MEOX2: variants seen among roughly 807,000 people sequenced by gnomAD.
MEOX2 encodes homeobox protein MOX-2.
A neutral mutation model predicts 27.0 loss-of-function variants in MEOX2; 11 were observed. The ratio of observed to expected loss-of-function variants is 0.41; its 90% CI spans 0.26 to 0.68. The LOEUF (loss-of-function observed/expected upper bound fraction) is 0.68, where lower values mean the gene tolerates loss of function less well. Among genes scored for constraint, MEOX2 ranks in the 30% least tolerant of loss-of-function variants. The probability of loss-of-function intolerance (pLI) is 0.33; values close to 1 mark genes in which losing one functional copy is unlikely to be tolerated. For missense variants in MEOX2, 436 were observed against 385.4 expected, an observed-to-expected ratio of 1.13 and a Z score of -1.10; for synonymous variants, 189 against 155.4, an observed-to-expected ratio of 1.22 and a Z score of -1.61.
At chr7:15,657,060 T>C (rs1781833417) in intron 1 of MEOX2, among the ~76,000 whole-genome samples, 1 of 152,170 alleles carries the variant, frequency 6.6e-6, no homozygotes, top group Non-Finnish European at 1.5e-5. Context: ...TTTACTATCA[T>C]TGAAAAATTG....
intron 1 of MEOX2, among the ~76,000 whole-genome samples, chr7:15,638,012 A>C (rs1562601262): frequency 6.6e-6 from 1 of 152,120 alleles, no homozygotes; most frequent in Admixed American, 6.6e-5. Context: ...CAAATTTATT[A>C]GTTTACATAT....
chr7:15,641,237 G>A (rs1360632109), intron 1 of MEOX2, among the ~76,000 whole-genome samples: 1 of 151,982 alleles, frequency 6.6e-6, no homozygotes, highest in South Asian at 2.1e-4. Context: ...TGTCTTCCTG[G>A]TTCTCTCTTG....
At chr7:15,651,644 C>T (rs370847057) in intron 1 of MEOX2, among the ~76,000 whole-genome samples, 18 of 151,976 alleles carry the variant, frequency 1.2e-4, no homozygotes, top group East Asian at 1.2e-3. Context: ...CCAGCAAAGG[C>T]GGGGATTTAA....
intron 1 of MEOX2, chr7:15,668,177 G>T (rs570790997): frequency 2.0e-5 from 3 of 152,042 alleles, no homozygotes; most frequent in African/African-American, 7.2e-5. Flanking sequence ...ATTTTCTTCC[G>T]CCTCTCCTAC....
intron 2 of MEOX2, 134 bp from the exon 3 acceptor site, chr7:15,612,745 A>G (rs1781052593): frequency 1.5e-6 from 1 of 665,654 alleles, no homozygotes. Flanking sequence ...AGTGAATAGA[A>G]AAATAAATCC....
chr7:15,642,529 C>A (rs1781579061), intron 1 of MEOX2, among the ~76,000 whole-genome samples: 1 of 151,930 alleles, frequency 6.6e-6, no homozygotes, highest in African/African-American at 2.4e-5. Context: ...TTTCTGGTTT[C>A]TTTGTGATTA....
intron 2 of MEOX2, among the ~76,000 whole-genome samples, chr7:15,615,712 T>C (rs1425044128): frequency 6.6e-6 from 1 of 152,030 alleles, no homozygotes; most frequent in East Asian, 1.9e-4. Context: ...ATATTTCTAA[T>C]ATTGGAATCA....
chr7:15,675,971 T>G (rs908169521), intron 1 of MEOX2: 1 of 152,210 alleles, frequency 6.6e-6, no homozygotes, highest in Non-Finnish European at 1.5e-5. Context: ...AAGTTAACTC[T>G]GCATTTGTGA....
At chr7:15,671,361 C>A (rs949097248) in intron 1 of MEOX2, among the ~76,000 whole-genome samples, 12 of 152,114 alleles carry the variant, frequency 7.9e-5, no homozygotes, top group African/African-American at 2.4e-4. Context: ...CATTGGTAAC[C>A]AAACTGATCA....
intron 1 of MEOX2, among the ~76,000 whole-genome samples, chr7:15,673,106 T>C (rs1435988455): frequency 6.6e-6 from 1 of 152,166 alleles, no homozygotes; most frequent in East Asian, 1.9e-4. Flanking sequence ...GCATTTCCTA[T>C]GCCAGAAATA....
intron 1 of MEOX2, among the ~76,000 whole-genome samples, chr7:15,636,588 G>A (rs1781481458): frequency 6.6e-6 from 1 of 151,900 alleles, no homozygotes; most frequent in African/African-American, 2.4e-5. Flanking sequence ...TTTTTGCAAA[G>A]ATTTTCCCAA....
chr7:15,662,680 A>G (rs1056779714), intron 1 of MEOX2, among the ~76,000 whole-genome samples: 1 of 152,160 alleles, frequency 6.6e-6, no homozygotes, highest in Non-Finnish European at 1.5e-5. Flanking sequence ...GCTTAGAACA[A>G]TGGAGCAGGC....
chr7:15,684,769 A>AC (rs1374754327), intron 1 of MEOX2, among the ~76,000 whole-genome samples: 1 of 152,234 alleles, frequency 6.6e-6, no homozygotes, highest in Non-Finnish European at 1.5e-5. Flanking sequence ...AACAAATGAC[A>AC]CCTTCCAAAA....
chr7:15,685,479 C>G (rs10486772), intron 1 of MEOX2, among the ~76,000 whole-genome samples: 18,872 of 152,158 alleles, frequency 0.12, 1,223 homozygotes, highest in Middle Eastern at 0.16. Context: ...TCAGAGTCGG[C>G]AACTTGCAAG....
rs188157517 is a variant in MEOX2 at position 15,660,771 on chromosome 7, C to A, written c.517+25115G>T. On this transcript the variant is annotated intron_variant, in intron 1 of 2. Coordinates refer to ENST00000262041, the MANE Select transcript of MEOX2 (RefSeq NM_005924.5). ...GCGTGGTGGCTCATGCCTCTAATCC[C>A]AACACTTTGGGAGGCCGAGGCAGGC... 1.1e-3 allele frequency among the ~76,000 whole-genome samples: 164 copies of A among 152,074 alleles called. 1 individual carries two copies. Among genetic ancestry groups the A allele is most frequent in the African/African-American group, 3.8e-3 (156 of 41,496 alleles).
intron 2 of MEOX2, among the ~76,000 whole-genome samples, chr7:15,615,739 C>T (rs936509564): frequency 6.6e-6 from 1 of 151,902 alleles, no homozygotes; most frequent in African/African-American, 2.4e-5. Context: ...TTTCAAGATT[C>T]CCTATAGGGA....
intron 1 of MEOX2, among the ~76,000 whole-genome samples, chr7:15,651,839 C>T (rs1055666158): frequency 6.6e-6 from 1 of 151,990 alleles, no homozygotes; most frequent in Admixed American, 6.6e-5. Context: ...CAAAGCCATA[C>T]ATGATTTCAA....
chr7:15,650,804 G>A (rs944748519), intron 1 of MEOX2, among the ~76,000 whole-genome samples: 3 of 152,022 alleles, frequency 2.0e-5, no homozygotes, highest in African/African-American at 4.8e-5. Context: ...AGCATGGAGG[G>A]ATTTCCACAG....
At position 15,627,324 on chromosome 7, in the gene MEOX2, A is replaced by G. The variant is rs1352320714; in HGVS notation, c.518-406T>C. Among the ~76,000 whole-genome samples the G allele has an allele frequency of 2.0e-5, 3 of 152,214 alleles. No homozygotes were observed. In the East Asian group the frequency reaches 5.8e-4, roughly 29 times the overall value. ...GTAATCCTTTAAAAAGTGGCATCTC[A>G]ATATAGGAGTATTTGAGAAATTCAA... On this transcript the variant is annotated intron_variant, in intron 1 of 2. Transcript: ENST00000262041.
Sources: gnomAD v4.1 joint callset for allele counts (sites outside exome capture counted in the v4.1 genomes callset) on GRCh38, gnomAD v4.1.1 for gene constraint, MANE v1.5 for transcripts, NCBI Gene and HGNC (gene_info 2026-07-23, HGNC 2026-07-21) for gene names.